POC1B: variants seen among roughly 807,000 people sequenced by gnomAD.
POC1B encodes the protein POC1 centriolar protein homolog B.
In POC1B, 44 loss-of-function variants were observed where a neutral mutation model predicts 60.6. The observed-to-expected ratio is 0.73, with a 90% CI of 0.57 to 0.93. POC1B has a LOEUF of 0.93. Ranked by LOEUF, POC1B falls within the 40% of genes least tolerant of loss-of-function variation. The pLI is 0.00. For synonymous variants in POC1B, 180 were observed against 198.9 expected (o/e 0.90, Z 0.80); for missense variants, 555 against 572.3 (o/e 0.97, Z 0.31).
At chr12:89,503,714 G>A (rs1268099618) in intron 2 of POC1B, among the ~76,000 whole-genome samples, 2 of 145,324 alleles carry the variant, frequency 1.4e-5, no homozygotes, top group African/African-American at 2.6e-5. Context: ...GGTGAGGAGC[G>A]TCTCTGCCCG....
intron 10 of POC1B, among the ~76,000 whole-genome samples, chr12:89,432,251 C>T (rs771666553): frequency 9.2e-5 from 14 of 151,494 alleles, no homozygotes; most frequent in Admixed American, 7.9e-4. Context: ...CCAGGTGTTG[C>T]GGCATGCACC....
chr12:89,429,293 G>A (rs1200233104), intron 10 of POC1B: 1 of 152,158 alleles, frequency 6.6e-6, no homozygotes, highest in Non-Finnish European at 1.5e-5. Context: ...ATCTCTCTTT[G>A]TCTCTCAAAG....
intron 2 of POC1B, 125 bp downstream of exon 2, chr12:89,524,995 G>A (rs1871305088): frequency 1.4e-6 from 2 of 1,406,248 alleles, no homozygotes; most frequent in East Asian, 2.5e-5. Context: ...CCTCGTCTCC[G>A]GGTGCTCTCA....
chr12:89,430,013 G>C (rs1880962247), intron 10 of POC1B, among the ~76,000 whole-genome samples: 1 of 152,132 alleles, frequency 6.6e-6, no homozygotes, highest in South Asian at 2.1e-4. Context: ...ACAATACTCT[G>C]GGGAAGTACT....
intron 9 of POC1B, among the ~76,000 whole-genome samples, chr12:89,466,317 A>G (rs567442336): frequency 2.6e-5 from 4 of 152,306 alleles, no homozygotes; most frequent in Admixed American, 2.6e-4. Flanking sequence ...AGGCAATAAC[A>G]TTGTCTTAAT....
At chr12:89,430,128 G>T (rs924358528) in intron 10 of POC1B, among the ~76,000 whole-genome samples, 1 of 152,150 alleles carries the variant, frequency 6.6e-6, no homozygotes, top group African/African-American at 2.4e-5. Flanking sequence ...CAAGGGCAAA[G>T]AATGAATCTA....
At chr12:89,510,169 G>T (rs1254036924) in intron 2 of POC1B, among the ~76,000 whole-genome samples, 1 of 152,078 alleles carries the variant, frequency 6.6e-6, no homozygotes, top group Non-Finnish European at 1.5e-5. Context: ...TTTTAACTGG[G>T]AGGCAATTAA....
At chr12:89,445,983 G>T (rs1319065684) in intron 10 of POC1B, among the ~76,000 whole-genome samples, 3 of 152,184 alleles carry the variant, frequency 2.0e-5, no homozygotes, top group Non-Finnish European at 4.4e-5. Context: ...CATTTATGCA[G>T]CCAACAGACA....
At chr12:89,480,425 A>G (rs1883278246) in intron 4 of POC1B, among the ~76,000 whole-genome samples, 1 of 150,612 alleles carries the variant, frequency 6.6e-6, no homozygotes, top group Non-Finnish European at 1.5e-5. Flanking sequence ...CTAATTTATA[A>G]TTCTTTTTTT....
chr12:89,487,675 T>C (rs763669751), intron 4 of POC1B, among the ~76,000 whole-genome samples: 1 of 152,186 alleles, frequency 6.6e-6, no homozygotes, highest in Non-Finnish European at 1.5e-5. Flanking sequence ...GCTGAATAAT[T>C]AATGTTCCTG....
rs958805556 is a variant in POC1B, at chr12:89,426,009, G to A, written c.1114-630C>T. On this transcript the variant is annotated intron_variant, in intron 10 of 11. Coordinates refer to ENST00000313546, the MANE Select transcript of POC1B (RefSeq NM_172240.3). Reference sequence around the variant, plus strand: ...AAGCTAGAAACAACGATAGATGAACGTATACACAAAATGTGGTATAAACAT... The same window carrying A: ...AAGCTAGAAACAACGATAGATGAACATATACACAAAATGTGGTATAAACAT... 2.6e-5 allele frequency: 4 copies of A among 152,186 alleles called. No individual in the cohort carries two copies. In the South Asian group the frequency reaches 6.2e-4, roughly 24 times the overall value. The allele number at this position is 152,186 out of a possible 1,614,324, so 9.4% of individuals were successfully genotyped here. A position where few individuals can be genotyped will look rare whatever the true frequency, so the allele number is the denominator to read the frequency against.
intron 2 of POC1B, among the ~76,000 whole-genome samples, chr12:89,514,257 T>C (rs553884036): frequency 1.3e-5 from 2 of 152,216 alleles, no homozygotes; most frequent in African/African-American, 2.4e-5. Context: ...GCTCTGGCCA[T>C]GTAAGATGTG....
chr12:89,420,905 CTTATCACT>C lies in POC1B; in HGVS notation c.*240_*247del. The C allele has an allele frequency of 2.7e-6, 1 of 364,036 alleles. No homozygotes were observed. The highest frequency in any genetic ancestry group is 7.8e-4 in the Middle Eastern group (1 of 1,288). The allele number at this position is 364,036 out of a possible 1,614,324, so 22.6% of individuals were successfully genotyped here. A position where few individuals can be genotyped will look rare whatever the true frequency, so the allele number is the denominator to read the frequency against. ...GGGAAAATACAGAGTTGCTTGAATGCTTATCACTTTATTACTGCAATCATAAATGATAG... is the reference window on the plus strand; with the variant it reads ...GGGAAAATACAGAGTTGCTTGAATGCTTATTACTGCAATCATAAATGATAG... On this transcript the variant is annotated 3_prime_UTR_variant, in exon 12 of 12. Transcript: ENST00000313546.
At chr12:89,501,819 GA>G (rs1869583902) in intron 2 of POC1B, 2 of 1,177,384 alleles carry the variant, frequency 1.7e-6, no homozygotes, top group Admixed American at 1.7e-5. Flanking sequence ...AGAATATTGG[GA>G]AAAAAACTAT....
chr12:89,462,735 T>C (rs764479342), intron 9 of POC1B, among the ~76,000 whole-genome samples: 13 of 152,368 alleles, frequency 8.5e-5, no homozygotes, highest in Non-Finnish European at 1.8e-4. Context: ...GAAATTCTAC[T>C]GCTGCCACTT....
chr12:89,506,464 AAAG>A (rs921899857), intron 2 of POC1B, among the ~76,000 whole-genome samples: 5 of 152,234 alleles, frequency 3.3e-5, no homozygotes, highest in South Asian at 2.1e-4. Flanking sequence ...CAGTACAGAT[AAAG>A]AAGAGGTTGA....
intron 2 of POC1B, among the ~76,000 whole-genome samples, chr12:89,503,022 A>G (rs1339346516): frequency 1.3e-5 from 2 of 152,150 alleles, no homozygotes; most frequent in South Asian, 4.1e-4. Context: ...TTGTCTTTGT[A>G]ATTACTTGTG....
intron 2 of POC1B, chr12:89,523,143 AC>A (rs1871056475): frequency 4.3e-6 from 7 of 1,613,782 alleles, no homozygotes; most frequent in Non-Finnish European, 4.2e-6. Flanking sequence ...AAAGGTTAGC[AC>A]CTGTGGGGTT....
chr12:89,438,067 T>A (rs957504591), intron 10 of POC1B, among the ~76,000 whole-genome samples: 11 of 145,366 alleles, frequency 7.6e-5, no homozygotes, highest in African/African-American at 1.8e-4. Context: ...AAAAAAAAAA[T>A]TAAAAAATCT....
Sources: gnomAD v4.1 joint callset for allele counts (sites outside exome capture counted in the v4.1 genomes callset) on GRCh38, gnomAD v4.1.1 for gene constraint, MANE v1.5 for transcripts, NCBI Gene and HGNC (gene_info 2026-07-23, HGNC 2026-07-21) for gene names.